MYO1E: variants seen among roughly 807,000 people sequenced by gnomAD.
MYO1E encodes the protein myosin IE, also known as unconventional myosin-Ie.
Under a neutral mutation model 151.1 loss-of-function variants are expected in MYO1E, and 68 were observed. The ratio of observed to expected loss-of-function variants is 0.45; its 90% CI spans 0.37 to 0.55. The LOEUF (loss-of-function observed/expected upper bound fraction) is 0.55, where lower values mean the gene tolerates loss of function less well. Among genes scored for constraint, MYO1E ranks in the 20% least tolerant of loss-of-function variants. The pLI is 0.00. For synonymous variants in MYO1E, 601 were observed against 501.7 expected (o/e 1.20, Z -2.64); for missense variants, 1,363 against 1,389.3 (o/e 0.98, Z 0.30).
intron 2 of MYO1E, among the ~76,000 whole-genome samples, chr15:59,271,367 C>G (rs138486616): frequency 6.1e-4 from 93 of 152,300 alleles, no homozygotes; most frequent in African/African-American, 2.1e-3. Flanking sequence ...TTTAATAAGT[C>G]ATCCATGATA....
intron 4 of MYO1E, among the ~76,000 whole-genome samples, chr15:59,243,897 C>T (rs1163841900): frequency 6.6e-6 from 1 of 151,898 alleles, no homozygotes; most frequent in African/African-American, 2.4e-5. Context: ...ACAGACTCCG[C>T]TTCCTGGCAG....
chr15:59,263,832 C>G (rs745590357), intron 2 of MYO1E, among the ~76,000 whole-genome samples: 2 of 152,020 alleles, frequency 1.3e-5, no homozygotes, highest in Non-Finnish European at 2.9e-5. Flanking sequence ...GAAGAAGGGC[C>G]ATGGAAAATG....
chr15:59,369,931 G>A (rs1412140670), intron 1 of MYO1E, among the ~76,000 whole-genome samples: 21 of 152,184 alleles, frequency 1.4e-4, no homozygotes, highest in African/African-American at 5.1e-4. Context: ...CGGTATAGGT[G>A]TTCTCCCTAT....
chr15:59,220,575 CAAGAGA>C (rs1368546220), intron 9 of MYO1E, among the ~76,000 whole-genome samples: 4 of 152,016 alleles, frequency 2.6e-5, no homozygotes, highest in Non-Finnish European at 5.9e-5. Flanking sequence ...ACTGCAAGAG[CAAGAGA>C]AAGTCTGCTT....
At chr15:59,234,212 T>TGATG (rs534252194) in intron 5 of MYO1E, among the ~76,000 whole-genome samples, 1,904 of 149,144 alleles carry the variant, frequency 0.013, 50 homozygotes, top group African/African-American at 0.045. Flanking sequence ...CACTGATCAC[T>TGATG]GATGGATGGA....
At chr15:59,371,979 G>C (rs1431655354) in intron 1 of MYO1E, among the ~76,000 whole-genome samples, 1 of 149,770 alleles carries the variant, frequency 6.7e-6, no homozygotes, top group African/African-American at 2.4e-5. Flanking sequence ...CCCGCGTGCC[G>C]CTGCCAGGCG....
rs398027512 is a variant in MYO1E, at chr15:59,268,720, A to ATTTTTT, written c.147+3580_147+3585dup. The stretch of plus-strand genomic sequence containing the variant: ...GTGATGGGTTCTGGGTGACTTTGGT[A>ATTTTTT]TTTTTTTTTTTTTTTTTTTTTGCTT... On this transcript the variant is annotated intron_variant, in intron 2 of 27. Coordinates refer to ENST00000288235, the MANE Select transcript of MYO1E (RefSeq NM_004998.4). 8.0e-3 allele frequency among the ~76,000 whole-genome samples: 359 copies of ATTTTTT among 44,882 alleles called. 118 individuals carry two copies. Among genetic ancestry groups the ATTTTTT allele is most frequent in the Middle Eastern group, 0.019 (1 of 54 alleles). The allele number at this position is 44,882 out of a possible 152,430, so 29.4% of individuals were successfully genotyped here.
chr15:59,254,753 C>G (rs552980089), intron 4 of MYO1E, among the ~76,000 whole-genome samples: 1 of 152,044 alleles, frequency 6.6e-6, no homozygotes, highest in Non-Finnish European at 1.5e-5. Flanking sequence ...AGATTGTGAA[C>G]TGTCAAATTC....
intron 18 of MYO1E, 149 bp from the exon 19 acceptor site, chr15:59,178,686 G>T: frequency 9.3e-7 from 1 of 1,078,490 alleles, no homozygotes; most frequent in Non-Finnish European, 1.3e-6. Context: ...AGGCTCAGGC[G>T]TGGACTGCGA....
In MYO1E at chr15:59,133,677, G is replaced by A. The variant is rs904505318; in HGVS notation, c.*3703C>T. ...TCTGGTCTTTCTTTTGATCACAAAA[G>A]TGAGGGGTGCCAGAAACACAGAGTT... On this transcript the variant is annotated 3_prime_UTR_variant, in exon 28 of 28. Transcript: ENST00000288235. The A allele has an allele frequency of 6.6e-6, 1 of 152,218 alleles. No individual in the cohort carries two copies. Among genetic ancestry groups the A allele is most frequent in the Admixed American group, 6.5e-5 (1 of 15,282 alleles). 9.4% of individuals were successfully genotyped at this position (152,218 alleles called of 1,614,324 possible).
intron 17 of MYO1E, among the ~76,000 whole-genome samples, chr15:59,188,507 C>T (rs1243377866): frequency 6.6e-6 from 1 of 151,978 alleles, no homozygotes; most frequent in Admixed American, 6.6e-5. Context: ...ACCAGCCTGG[C>T]CAACATGGTG....
chr15:59,229,941 T>C (rs1219536173), intron 6 of MYO1E, among the ~76,000 whole-genome samples: 1 of 152,188 alleles, frequency 6.6e-6, no homozygotes, highest in African/African-American at 2.4e-5. Flanking sequence ...CAATATATTA[T>C]GAATATCTTT....
At chr15:59,213,273 C>A (rs193016016) in intron 12 of MYO1E, among the ~76,000 whole-genome samples, 1 of 151,800 alleles carries the variant, frequency 6.6e-6, no homozygotes, top group Non-Finnish European at 1.5e-5. Flanking sequence ...TGGGTTCAAG[C>A]GATTCTCCTG....
chr15:59,174,259 C>T lies in MYO1E; in HGVS notation c.2050-19G>A. The T allele has an allele frequency of 2.6e-6, 4 of 1,560,716 alleles. No individual in the cohort carries two copies. The highest frequency in any genetic ancestry group is 3.5e-6 in the Non-Finnish European group (4 of 1,131,860). On this transcript the variant is annotated intron_variant, in intron 19 of 27. Coordinates refer to ENST00000288235, the MANE Select transcript of MYO1E (RefSeq NM_004998.4). ...GAAATAGCTGTGAATGGAGAGAAGA[C>T]AAATGTGAGCCAAGCCCCAAGCCCC...
chr15:59,343,023 G>C (rs2080774455), intron 1 of MYO1E, among the ~76,000 whole-genome samples: 1 of 151,972 alleles, frequency 6.6e-6, no homozygotes, highest in Non-Finnish European at 1.5e-5. Flanking sequence ...CTTTCTATTT[G>C]AGATATGTAT....
At chr15:59,354,120 A>C (rs1391164763) in intron 1 of MYO1E, among the ~76,000 whole-genome samples, 3 of 152,248 alleles carry the variant, frequency 2.0e-5, no homozygotes, top group Admixed American at 2.0e-4. Context: ...GCCATTCAAA[A>C]CCAAGGGAAA....
At position 59,197,282 on chromosome 15, in the gene MYO1E, TGTGC is replaced by T. The variant is rs1190506122; in HGVS notation, c.1699-1719_1699-1716del. ...TGCTGGGATTACAGGCGTGAGCCAC[TGTGC>T]CCAGCCTACAACTTTTAATTTCCAA... is the stretch of plus-strand genomic sequence containing the variant. On this transcript the variant is annotated intron_variant, in intron 16 of 27. Transcript: ENST00000288235. Among the ~76,000 whole-genome samples the T allele has an allele frequency of 3.3e-5, 5 of 152,302 alleles. No homozygotes were observed. In the East Asian group the frequency reaches 7.7e-4, roughly 24 times the overall value.
At position 59,186,126 on chromosome 15, in the gene MYO1E, G is replaced by A. The variant is rs561562644; in HGVS notation, c.1904+1992C>T. Reference sequence around the variant, plus strand: ...ACATAGTCCTGCTTACACTATAGGCGTACTGACGTCTTTAATTCAGAGAAC... The same window carrying A: ...ACATAGTCCTGCTTACACTATAGGCATACTGACGTCTTTAATTCAGAGAAC... On this transcript the variant is annotated intron_variant, in intron 18 of 27. Transcript: ENST00000288235. Among the ~76,000 whole-genome samples the A allele has an allele frequency of 2.6e-5, 4 of 152,192 alleles. No individual in the cohort carries two copies. In the South Asian group the frequency reaches 6.2e-4, roughly 24 times the overall value.
chr15:59,142,038 C>T (rs944436279), intron 26 of MYO1E, among the ~76,000 whole-genome samples: 7 of 148,850 alleles, frequency 4.7e-5, no homozygotes, highest in Non-Finnish European at 8.9e-5. Context: ...ACCAGGGAGG[C>T]GGAGCTTGCA....
Sources: allele counts gnomAD v4.1 joint callset (sites outside exome capture counted in the v4.1 genomes callset), GRCh38; gene constraint gnomAD v4.1.1; transcripts MANE v1.5; gene names NCBI Gene and HGNC (gene_info 2026-07-23, HGNC 2026-07-21).